CGGBP1: variants seen among roughly 807,000 people sequenced by gnomAD.
The protein encoded by CGGBP1 is CGG triplet repeat binding protein 1, also known as CGG triplet repeat-binding protein 1.
CGGBP1 carries 4 observed loss-of-function variants against 11.4 expected under a neutral mutation model. The observed-to-expected ratio is 0.35, with a 90% CI of 0.17 to 0.80. The LOEUF is 0.80. Among genes scored for constraint, CGGBP1 ranks in the 30% least tolerant of loss-of-function variants. The pLI, the probability that CGGBP1 is intolerant of heterozygous loss-of-function variation, is 0.52. For synonymous variants in CGGBP1, 76 were observed against 74.1 expected (o/e 1.03, Z -0.13); for missense variants, 135 against 202.1 (o/e 0.67, Z 2.01).
chr3:88,082,185 G>A (rs1708112767), intron 2 of CGGBP1, among the ~76,000 whole-genome samples: 1 of 150,986 alleles, frequency 6.6e-6, no homozygotes, highest in African/African-American at 2.4e-5. Context: ...GGAGTGCAGT[G>A]GTGCAATCTT....
intron 2 of CGGBP1, among the ~76,000 whole-genome samples, chr3:88,134,179 T>C (rs1706629899): frequency 6.6e-6 from 1 of 152,024 alleles, no homozygotes; most frequent in South Asian, 2.1e-4. Flanking sequence ...GAATTTTGGT[T>C]TTACTACTCA....
At chr3:88,096,423 G>A (rs140335159) in intron 2 of CGGBP1, among the ~76,000 whole-genome samples, 204 of 152,224 alleles carry the variant, frequency 1.3e-3, no homozygotes, top group Non-Finnish European at 1.9e-3. Flanking sequence ...TTGAAGCAGA[G>A]GGGTAAGGGG....
chr3:88,094,885 G>GA (rs1254649179), intron 2 of CGGBP1, among the ~76,000 whole-genome samples: 1 of 151,202 alleles, frequency 6.6e-6, no homozygotes. Context: ...GAAGAAAAAA[G>GA]AAAAAAAATT....
chr3:88,116,959 T>C (rs1193392593), intron 2 of CGGBP1, among the ~76,000 whole-genome samples: 1 of 152,188 alleles, frequency 6.6e-6, no homozygotes, highest in African/African-American at 2.4e-5. Flanking sequence ...TCAGTTATCA[T>C]CAGTTAACTG....
At chr3:88,068,742 C>T (rs1244982515) in intron 2 of CGGBP1, among the ~76,000 whole-genome samples, 1 of 152,022 alleles carries the variant, frequency 6.6e-6, no homozygotes, top group East Asian at 1.9e-4. Context: ...AATCCACTAC[C>T]CTACAAGCTA....
At chr3:88,087,354 C>T (rs532964009) in intron 2 of CGGBP1, among the ~76,000 whole-genome samples, 4 of 152,264 alleles carry the variant, frequency 2.6e-5, no homozygotes, top group South Asian at 2.1e-4. Flanking sequence ...GGATTACAGG[C>T]GTGAGCTACC....
At chr3:88,129,607 T>C (rs1706328409) in intron 2 of CGGBP1, 1 of 1,117,312 alleles carries the variant, frequency 9.0e-7, no homozygotes, top group Non-Finnish European at 1.2e-6. Context: ...GCAATTTCTC[T>C]TGAATGTTTA....
intron 2 of CGGBP1, among the ~76,000 whole-genome samples, chr3:88,064,818 A>G (rs1223553488): frequency 1.3e-5 from 2 of 152,226 alleles, no homozygotes; most frequent in Non-Finnish European, 1.5e-5. Flanking sequence ...ATGTGGTTCA[A>G]TCTGTCACAT....
At chr3:88,142,259 T>A (rs1028582750) in intron 1 of CGGBP1, 3 of 150,208 alleles carry the variant, frequency 2.0e-5, no homozygotes, top group African/African-American at 7.3e-5. Context: ...CAAAGTTCAA[T>A]GAATGGCACG....
At chr3:88,086,323 C>G in intron 2 of CGGBP1, 2 of 1,535,034 alleles carry the variant, frequency 1.3e-6, no homozygotes, top group Non-Finnish European at 1.7e-6. Context: ...TCAGACTGCC[C>G]TTTGTTGTTT....
chr3:88,059,150 AC>A, upstream of CGGBP1: 1 of 1,298,700 alleles, frequency 7.7e-7, no homozygotes, highest in Non-Finnish European at 1.0e-6. Flanking sequence ...TCCAATAAAA[AC>A]TGGGGGCGTG....
At chr3:88,081,897 A>T (rs1367856211) in intron 2 of CGGBP1, among the ~76,000 whole-genome samples, 1 of 152,218 alleles carries the variant, frequency 6.6e-6, no homozygotes, top group East Asian at 1.9e-4. Flanking sequence ...GCTAGGAAAT[A>T]CTTTTATATA....
intron 2 of CGGBP1, among the ~76,000 whole-genome samples, chr3:88,091,778 C>T (rs924998817): frequency 2.0e-5 from 3 of 152,182 alleles, no homozygotes; most frequent in Admixed American, 2.0e-4. Context: ...TGCACATGCT[C>T]TCTTGCCTGC....
In CGGBP1 at chr3:88,052,030, G is replaced by T. The variant is rs2107553088; in HGVS notation, c.*3443C>A. 6.6e-6 allele frequency: 1 copy of T among 152,652 alleles called. No homozygotes were observed. Among genetic ancestry groups the T allele is most frequent in the African/African-American group, 2.4e-5 (1 of 41,562 alleles). The allele number at this position is 152,652 out of a possible 1,614,324, so 9.5% of individuals were successfully genotyped here. A position where few individuals can be genotyped will look rare whatever the true frequency, so the allele number is the denominator to read the frequency against. ...CAAAATCTTTTGAAACAATTTTTCT[G>T]AAATTTATTTCTAAAAGTCAGAGAC... On this transcript the variant is annotated 3_prime_UTR_variant, in exon 4 of 4. Coordinates refer to ENST00000482016, the MANE Select transcript of CGGBP1 (RefSeq NM_001008390.2).
At chr3:88,130,825 G>T (rs1706414183) in intron 2 of CGGBP1, among the ~76,000 whole-genome samples, 1 of 151,994 alleles carries the variant, frequency 6.6e-6, no homozygotes, top group South Asian at 2.1e-4. Flanking sequence ...GTTAGGAGGA[G>T]ACCTGGATCT....
intron 2 of CGGBP1, among the ~76,000 whole-genome samples, chr3:88,114,899 G>C (rs1198603478): frequency 6.6e-6 from 1 of 152,176 alleles, no homozygotes; most frequent in Admixed American, 6.5e-5. Context: ...GTGACCAATA[G>C]TGATAAGTGA....
At chr3:88,072,148 C>A (rs1448885041) in intron 2 of CGGBP1, among the ~76,000 whole-genome samples, 1 of 152,054 alleles carries the variant, frequency 6.6e-6, no homozygotes, top group East Asian at 1.9e-4. Flanking sequence ...AAAGGAAAAA[C>A]CATCCTTGCT....
intron 2 of CGGBP1, among the ~76,000 whole-genome samples, chr3:88,087,576 C>G (rs1317512469): frequency 6.6e-6 from 1 of 152,124 alleles, no homozygotes; most frequent in East Asian, 1.9e-4. Context: ...GGACAGAAAG[C>G]AGATAGAGGA....
intron 2 of CGGBP1, among the ~76,000 whole-genome samples, chr3:88,107,852 A>G (rs1264895296): frequency 6.6e-6 from 1 of 152,126 alleles, no homozygotes; most frequent in Non-Finnish European, 1.5e-5. Flanking sequence ...TTTCAATGTC[A>G]TCATTTCTTA....
Sources: gnomAD v4.1 joint callset for allele counts (sites outside exome capture counted in the v4.1 genomes callset) on GRCh38, gnomAD v4.1.1 for gene constraint, MANE v1.5 for transcripts, NCBI Gene and HGNC (gene_info 2026-07-23, HGNC 2026-07-21) for gene names.